Variants in ANO2 observed in about 807,000 individuals in gnomAD.
The protein encoded by ANO2 is anoctamin 2.
ANO2 carries 101 observed loss-of-function variants against 124.2 expected under a neutral mutation model. The ratio of observed to expected loss-of-function variants is 0.81; its 90% CI spans 0.69 to 0.96. ANO2 has a LOEUF of 0.96. ANO2 is among the 40% of genes least tolerant of loss of function. ANO2 has a pLI of 0.00. For missense variants in ANO2, 1,293 were observed against 1,274.5 expected (o/e 1.01, Z -0.22); for synonymous variants, 486 against 482.5 (o/e 1.01, Z -0.09).
At chr12:5,667,479 G>A in intron 14 of ANO2, among the ~76,000 whole-genome samples, 1 of 151,698 alleles carries the variant, frequency 6.6e-6, no homozygotes, top group Non-Finnish European at 1.5e-5. Context: ...GTATAAGTGT[G>A]AGTACAAATT....
rs139631352 is a variant in ANO2 at position 5,920,862 on chromosome 12, G to A, written c.534+178C>T. Among the ~76,000 whole-genome samples the A allele has an allele frequency of 5.3e-3, 800 of 151,956 alleles. 7 individuals carry two copies. Among genetic ancestry groups the A allele is most frequent in the Middle Eastern group, 0.02 (6 of 294 alleles). ...AGCCTTGGTGACAGAGCAAGACTCCGTCTCAAAAAAAATTTTTTTTAAAAA... is the reference window on the plus strand; with the variant it reads ...AGCCTTGGTGACAGAGCAAGACTCCATCTCAAAAAAAATTTTTTTTAAAAA... On this transcript the variant is annotated intron_variant, in intron 3 of 24. Coordinates refer to ENST00000682330, the MANE Select transcript of ANO2 (RefSeq NM_001364791.2).
chr12:5,859,162 G>A (rs774874147), intron 3 of ANO2, among the ~76,000 whole-genome samples: 35 of 152,180 alleles, frequency 2.3e-4, no homozygotes, highest in Admixed American at 6.5e-5. Flanking sequence ...AATCTCAACA[G>A]GCAACTAAAA....
intron 4 of ANO2, among the ~76,000 whole-genome samples, chr12:5,850,485 A>T (rs1445303360): frequency 1.3e-5 from 2 of 151,868 alleles, no homozygotes; most frequent in Non-Finnish European, 2.9e-5. Flanking sequence ...AAGCCAAAAC[A>T]GTCCCCCTGA....
intron 19 of ANO2, among the ~76,000 whole-genome samples, chr12:5,607,715 A>C (rs1461397752): frequency 6.6e-6 from 1 of 152,154 alleles, no homozygotes; most frequent in Non-Finnish European, 1.5e-5. Context: ...AGATTCTCAC[A>C]GGAGCGTGAA....
intron 3 of ANO2, among the ~76,000 whole-genome samples, chr12:5,902,106 A>C (rs888425064): frequency 1.3e-5 from 2 of 152,206 alleles, no homozygotes; most frequent in African/African-American, 4.8e-5. Flanking sequence ...TAGAGAGGAA[A>C]TATCCCCTTC....
At chr12:5,760,247 G>A (rs1951698737) in intron 10 of ANO2, among the ~76,000 whole-genome samples, 1 of 152,048 alleles carries the variant, frequency 6.6e-6, no homozygotes, top group Admixed American at 6.6e-5. Context: ...TAAATTACCA[G>A]TTAAGCCTCT....
intron 3 of ANO2, among the ~76,000 whole-genome samples, chr12:5,878,603 C>A (rs1393476717): frequency 1.3e-5 from 2 of 152,212 alleles, no homozygotes; most frequent in Non-Finnish European, 2.9e-5. Context: ...ACAACATAGA[C>A]AAACACAGAC....
At chr12:5,932,292 A>G (rs1179065127) in intron 1 of ANO2, among the ~76,000 whole-genome samples, 7 of 151,370 alleles carry the variant, frequency 4.6e-5, no homozygotes, top group African/African-American at 1.7e-4. Context: ...AGTGACTAAT[A>G]AGGAAAGAAG....
At chr12:5,889,696 G>C (rs916448896) in intron 3 of ANO2, among the ~76,000 whole-genome samples, 4 of 152,240 alleles carry the variant, frequency 2.6e-5, no homozygotes, top group African/African-American at 4.8e-5. Context: ...CACCAGACAG[G>C]CCATTAACCC....
intron 1 of ANO2, among the ~76,000 whole-genome samples, chr12:5,943,558 A>G (rs952228487): frequency 2.6e-5 from 4 of 152,122 alleles, no homozygotes; most frequent in African/African-American, 9.7e-5. Flanking sequence ...ACTGGGTACA[A>G]TGTACACTGC....
chr12:5,860,026 G>C (rs114946572), intron 3 of ANO2, among the ~76,000 whole-genome samples: 8 of 152,046 alleles, frequency 5.3e-5, no homozygotes, highest in African/African-American at 1.7e-4. Context: ...CAGCAAGCCC[G>C]ATAATTTGCA....
intron 10 of ANO2, among the ~76,000 whole-genome samples, chr12:5,790,064 G>A (rs1281666175): frequency 6.6e-6 from 1 of 152,180 alleles, no homozygotes; most frequent in African/African-American, 2.4e-5. Context: ...TCCTTCTAAG[G>A]CAAGATCAGT....
At chr12:5,574,452 C>A (rs748646404) in intron 23 of ANO2, among the ~76,000 whole-genome samples, 3 of 151,526 alleles carry the variant, frequency 2.0e-5, no homozygotes, top group Non-Finnish European at 4.4e-5. Context: ...TGATTGAAAT[C>A]AAATTCATCA....
chr12:5,879,539 G>C (rs6489667), intron 3 of ANO2, among the ~76,000 whole-genome samples: 70,320 of 152,054 alleles, frequency 0.46, 16,509 homozygotes, highest in South Asian at 0.59. Context: ...ATATCTAGGA[G>C]GGAAACAGAC....
intron 14 of ANO2, among the ~76,000 whole-genome samples, chr12:5,697,615 G>A (rs12580964): frequency 0.12 from 18,152 of 152,208 alleles, 1,230 homozygotes; most frequent in African/African-American, 0.19. Flanking sequence ...GTGCAGGACA[G>A]TGGGTGCAGC....
At chr12:5,565,531 G>C in intron 24 of ANO2, 27 bp downstream of exon 24, 1 of 1,551,760 alleles carries the variant, frequency 6.4e-7, no homozygotes, top group Non-Finnish European at 8.8e-7. Flanking sequence ...GGATTCGAAT[G>C]GGCTATTCCC....
upstream of ANO2, among the ~76,000 whole-genome samples, chr12:5,945,602 TCTGG>T (rs1348932983): frequency 1.2e-4 from 19 of 152,364 alleles, no homozygotes; most frequent in East Asian, 3.5e-3. Flanking sequence ...TCATGAACTG[TCTGG>T]CTGATTAGTT....
chr12:5,780,798 T>C (rs1952368530), intron 10 of ANO2, among the ~76,000 whole-genome samples: 1 of 152,124 alleles, frequency 6.6e-6, no homozygotes, highest in African/African-American at 2.4e-5. Flanking sequence ...CGTGGGGCTG[T>C]GTATATTTTG....
chr12:5,791,818 A>G (rs979040584), intron 10 of ANO2, among the ~76,000 whole-genome samples: 2 of 152,220 alleles, frequency 1.3e-5, no homozygotes, highest in African/African-American at 2.4e-5. Flanking sequence ...ATATGATTAT[A>G]CTATATTTGT....
Sources: allele counts gnomAD v4.1 joint callset (sites outside exome capture counted in the v4.1 genomes callset), GRCh38; gene constraint gnomAD v4.1.1; transcripts MANE v1.5; gene names NCBI Gene and HGNC (gene_info 2026-07-23, HGNC 2026-07-21).